The following PARP8 variants were observed in gnomAD, a reference collection of about 807,000 sequenced individuals.
The protein encoded by PARP8 is protein mono-ADP-ribosyltransferase PARP8.
A neutral mutation model predicts 124.1 loss-of-function variants in PARP8; 51 were observed. The ratio of observed to expected loss-of-function variants is 0.41; its 90% CI spans 0.33 to 0.52. PARP8 has a LOEUF of 0.52. Among genes scored for constraint, PARP8 ranks in the 20% least tolerant of loss-of-function variants. The probability of loss-of-function intolerance (pLI) is 0.21; values close to 1 mark genes in which losing one functional copy is unlikely to be tolerated. For missense variants in PARP8, 860 were observed against 1,018.9 expected (o/e 0.84, Z 2.12); for synonymous variants, 391 against 361.5 (o/e 1.08, Z -0.93).
chr5:50,828,121 A>T (rs1721020689), intron 20 of PARP8, 65 bp downstream of exon 20: 15 of 1,241,704 alleles, frequency 1.2e-5, no homozygotes, highest in Non-Finnish European at 1.8e-5. Flanking sequence ...TGTATGGGGA[A>T]GATATCACTG....
chr5:50,681,433 AT>A (rs1561237166), intron 2 of PARP8, among the ~76,000 whole-genome samples: 1 of 150,944 alleles, frequency 6.6e-6, no homozygotes. Context: ...TCTAAGCATT[AT>A]TTTTTTTTAG....
intron 2 of PARP8, among the ~76,000 whole-genome samples, chr5:50,703,880 T>TA (rs927045076): frequency 1.3e-5 from 2 of 151,876 alleles, no homozygotes; most frequent in African/African-American, 4.8e-5. Context: ...GCCTGCATGA[T>TA]AAAATGAGAC....
intron 14 of PARP8, among the ~76,000 whole-genome samples, chr5:50,810,690 A>G (rs1267636505): frequency 6.6e-6 from 1 of 152,064 alleles, no homozygotes; most frequent in East Asian, 1.9e-4. Flanking sequence ...CTCGGAAATA[A>G]AGTGTGAATA....
intron 25 of PARP8, among the ~76,000 whole-genome samples, 167 bp downstream of exon 25, chr5:50,835,182 A>G (rs1213469407): frequency 6.6e-6 from 1 of 152,194 alleles, no homozygotes; most frequent in East Asian, 1.9e-4. Context: ...AAAAAATCTA[A>G]ATAATTTTTA....
At chr5:50,787,161 C>T (rs553789589) in intron 9 of PARP8, among the ~76,000 whole-genome samples, 17 of 152,242 alleles carry the variant, frequency 1.1e-4, no homozygotes, top group African/African-American at 4.1e-4. Context: ...GTCCACTCTC[C>T]TAGAAGTGTG....
intron 2 of PARP8, among the ~76,000 whole-genome samples, chr5:50,739,730 A>AT (rs1213865622): frequency 9.9e-4 from 42 of 42,254 alleles, no homozygotes; most frequent in Middle Eastern, 0.017. Flanking sequence ...ATATATATAT[A>AT]TATTTTTTTT....
intron 14 of PARP8, among the ~76,000 whole-genome samples, chr5:50,807,334 A>G: frequency 6.6e-6 from 1 of 152,068 alleles, no homozygotes; most frequent in South Asian, 2.1e-4. Flanking sequence ...GAGTCCTGAC[A>G]CATAACATTT....
chr5:50,833,799 T>C (rs182661383), intron 23 of PARP8, among the ~76,000 whole-genome samples, 180 bp from the exon 24 acceptor site: 15 of 152,184 alleles, frequency 9.9e-5, no homozygotes, highest in African/African-American at 3.4e-4. Flanking sequence ...GTAATGATGA[T>C]GTACAGAAAT....
intron 2 of PARP8, among the ~76,000 whole-genome samples, chr5:50,733,473 G>A (rs1157657535): frequency 1.3e-5 from 2 of 152,040 alleles, no homozygotes. Context: ...TCTTGATGAA[G>A]TAGTTTTTTA....
At chr5:50,740,823 A>G (rs1259087754) in intron 2 of PARP8, among the ~76,000 whole-genome samples, 1 of 152,100 alleles carries the variant, frequency 6.6e-6, no homozygotes, top group East Asian at 1.9e-4. Flanking sequence ...AAAAGAAAAA[A>G]AAAAAAAAGA....
At chr5:50,750,030 C>G (rs1759053768) in intron 2 of PARP8, 121 bp from the exon 3 acceptor site, 1 of 757,714 alleles carries the variant, frequency 1.3e-6, no homozygotes, top group East Asian at 2.6e-5. Flanking sequence ...TTGGAAGTTT[C>G]CTGTTTATAC....
In PARP8 at chr5:50,811,658, T is replaced by C. The variant is rs1042363766; in HGVS notation, c.1576-3774T>C. Among the ~76,000 whole-genome samples, 7 of 152,160 alleles carry C rather than the reference T, an allele frequency of 4.6e-5. 1 individual carries two copies. The highest frequency in any genetic ancestry group is 1.2e-4 in the African/African-American group (5 of 41,438). ...ACGAAGTGCAGGTTTGTTACCTATG[T>C]ATACATGTGCCATGTTGGTTTGCTG... On this transcript the variant is annotated intron_variant, in intron 14 of 25. Transcript: ENST00000281631.
rs1207188009 is a variant in PARP8 at position 50,846,011 on chromosome 5, A to C, written c.*3943A>C. ...CAGAAGAATTTCAAGTAGTTTTTAG[A>C]CAAAACATATCCATGAGTGTGAAAA... is the stretch of plus-strand genomic sequence containing the variant. On this transcript the variant is annotated 3_prime_UTR_variant, in exon 26 of 26. Transcript: ENST00000281631. The C allele has an allele frequency of 6.6e-6, 1 of 151,820 alleles. No individual in the cohort carries two copies. The highest frequency in any genetic ancestry group is 1.5e-5 in the Non-Finnish European group (1 of 67,828). 9.4% of individuals were successfully genotyped at this position (151,820 alleles called of 1,614,324 possible).
intron 10 of PARP8, among the ~76,000 whole-genome samples, chr5:50,789,673 A>G (rs572612758): frequency 2.0e-5 from 3 of 152,322 alleles, no homozygotes; most frequent in Non-Finnish European, 4.4e-5. Context: ...ATTAACTTCT[A>G]TACTTAATAT....
Position 50,794,913 on chromosome 5 carries a change from G to T in PARP8, c.924G>T (p.Gln308His). The T allele has an allele frequency of 1.2e-6, 2 of 1,614,166 alleles. No homozygotes were observed. The highest frequency in any genetic ancestry group is 1.7e-6 in the Non-Finnish European group (2 of 1,180,024). Residue 308 changes from glutamine (Q) to histidine (H), a missense_variant, in exon 12 of 26, where the codon CAG becomes CAT. Physicochemically the swap from Gln to His is conservative, Grantham distance 24 (BLOSUM62 0). Coordinates refer to ENST00000281631, the MANE Select transcript of PARP8 (RefSeq NM_024615.4). The stretch of plus-strand genomic sequence containing the variant: ...GCAAATCCAAACTGAAATCTGAGCA[G>T]GACGGAATCTCCAAAACGCATAAGC... ...GKSKSKLKSE[Q>H]DGISKTHKLL...
chr5:50,755,031 G>GT (rs1465845800), intron 3 of PARP8, among the ~76,000 whole-genome samples: 2 of 152,074 alleles, frequency 1.3e-5, no homozygotes, highest in African/African-American at 4.8e-5. Context: ...TGATGGGGTT[G>GT]TTTTTTTCTT....
intron 14 of PARP8, among the ~76,000 whole-genome samples, chr5:50,805,585 C>G (rs913027313): frequency 6.6e-6 from 1 of 152,082 alleles, no homozygotes; most frequent in African/African-American, 2.4e-5. Context: ...GATTCTGTTA[C>G]ACTTTTTAAA....
rs749316515 is a variant in PARP8, at chr5:50,750,136, T to G, written c.147-15T>G. On this transcript the variant is annotated splice_polypyrimidine_tract_variant and intron_variant, in intron 2 of 25. Coordinates refer to ENST00000281631, the MANE Select transcript of PARP8 (RefSeq NM_024615.4). ...AGCAATAACTTGAGCCTTTTTTGTTTGTTTGTTTTAACAGTGTATCCTACT... is the reference window on the plus strand; with the variant it reads ...AGCAATAACTTGAGCCTTTTTTGTTGGTTTGTTTTAACAGTGTATCCTACT... 131 of 1,574,232 alleles carry G rather than the reference T, an allele frequency of 8.3e-5. No homozygotes were observed. The highest frequency in any genetic ancestry group is 5.0e-4 in the Middle Eastern group (3 of 5,984).
chr5:50,697,204 C>T (rs532855221), intron 2 of PARP8, among the ~76,000 whole-genome samples: 53 of 152,150 alleles, frequency 3.5e-4, no homozygotes, highest in South Asian at 2.3e-3. Flanking sequence ...TGCAGTGAGC[C>T]GAGATTGTGC....
Sources: gnomAD v4.1 joint callset for allele counts (sites outside exome capture counted in the v4.1 genomes callset) on GRCh38, gnomAD v4.1.1 for gene constraint, MANE v1.5 for transcripts, NCBI Gene and HGNC (gene_info 2026-07-23, HGNC 2026-07-21) for gene names.